APH1B: variants seen among roughly 807,000 people sequenced by gnomAD.
APH1B encodes the protein gamma-secretase subunit APH-1B.
In APH1B, 27 loss-of-function variants were observed where a neutral mutation model predicts 28.2. The observed-to-expected ratio is 0.96, with a 90% CI of 0.70 to 1.32. The LOEUF is 1.32. Among genes scored for constraint, APH1B ranks in the 40% most tolerant of loss-of-function variants. The probability of loss-of-function intolerance (pLI) is 0.00; values close to 1 mark genes in which losing one functional copy is unlikely to be tolerated. For missense variants in APH1B, 305 were observed against 313.6 expected (o/e 0.97, Z 0.21); for synonymous variants, 141 against 124.6 (o/e 1.13, Z -0.88).
intron 5 of APH1B, 60 bp downstream of exon 5, chr15:63,302,532 G>A: frequency 1.3e-6 from 2 of 1,556,512 alleles, no homozygotes; most frequent in Non-Finnish European, 1.7e-6. Context: ...TATCTAAAAT[G>A]GTAAATTCTA....
intron 4 of APH1B, among the ~76,000 whole-genome samples, chr15:63,297,185 C>T (rs578257811): frequency 2.6e-5 from 4 of 152,242 alleles, no homozygotes; most frequent in South Asian, 2.1e-4. Context: ...TATAAACTAA[C>T]GTTGATATTC....
intron 3 of APH1B, chr15:63,287,138 G>C (rs1478811141): frequency 6.4e-6 from 2 of 310,732 alleles, no homozygotes; most frequent in Non-Finnish European, 1.2e-5. Flanking sequence ...GAGTTTTGGT[G>C]TTGTATCCTC....
At chr15:63,297,820 G>A (rs2038583620) in intron 4 of APH1B, among the ~76,000 whole-genome samples, 1 of 152,182 alleles carries the variant, frequency 6.6e-6, no homozygotes, top group East Asian at 1.9e-4. Context: ...GCAGAGGGAG[G>A]AAAGAGTAAA....
chr15:63,299,426 A>G (rs1203863410), intron 4 of APH1B, among the ~76,000 whole-genome samples: 3 of 151,812 alleles, frequency 2.0e-5, no homozygotes. Flanking sequence ...TGTTTTTGAG[A>G]TGGAGTCTTG....
intron 4 of APH1B, among the ~76,000 whole-genome samples, chr15:63,298,209 T>C (rs1270732042): frequency 6.6e-6 from 1 of 152,188 alleles, no homozygotes; most frequent in African/African-American, 2.4e-5. Context: ...TTTTTGTTTT[T>C]ATTTTTTATT....
At chr15:63,279,943 G>A (rs975433617) in intron 2 of APH1B, among the ~76,000 whole-genome samples, 4 of 152,082 alleles carry the variant, frequency 2.6e-5, no homozygotes, top group East Asian at 1.9e-4. Flanking sequence ...GATTACAGGT[G>A]TGCACCACCA....
intron 2 of APH1B, among the ~76,000 whole-genome samples, chr15:63,283,838 C>A (rs1326871056): frequency 6.6e-6 from 1 of 152,184 alleles, no homozygotes; most frequent in African/African-American, 2.4e-5. Flanking sequence ...GATAGCTGGA[C>A]TTTTCACTCA....
In APH1B at chr15:63,279,272, A is replaced by T. The variant is rs200710437; in HGVS notation, c.225A>T (p.Gly75=). Reference sequence around the variant, plus strand: ...CACAGAAATATCTGCTGATCTTTGGAGCGTTTGTCTCTGTCTATATCCAAG... The same window carrying T: ...CACAGAAATATCTGCTGATCTTTGGTGCGTTTGTCTCTGTCTATATCCAAG... The part of the protein sequence containing the change: ...GPTQKYLLIF[G]AFVSVYIQEM... Residue 75 remains glycine (G), a synonymous_variant, in exon 2 of 6, where the codon GGA becomes GGT. Coordinates refer to ENST00000261879, the MANE Select transcript of APH1B (RefSeq NM_031301.4). The T allele has an allele frequency of 1.2e-5, 20 of 1,612,274 alleles. No homozygotes were observed. The highest frequency in any genetic ancestry group is 1.7e-6 in the Non-Finnish European group (2 of 1,178,778).
chr15:63,307,222 GGAA>G lies in APH1B; in HGVS notation c.*1448_*1450del, dbSNP rs771433839. 5 of 152,166 alleles carry G rather than the reference GGAA, an allele frequency of 3.3e-5. No homozygotes were observed. Among genetic ancestry groups the G allele is most frequent in the Non-Finnish European group, 7.3e-5 (5 of 68,036 alleles). 9.4% of individuals were successfully genotyped at this position (152,166 alleles called of 1,614,324 possible). Reference sequence around the variant, plus strand: ...TGGGCGGGTTTGACAGATTGTGGTGGGAAGAAGAATGATCATGTTTAAAGCTAA... The same window carrying G: ...TGGGCGGGTTTGACAGATTGTGGTGGGAAGAATGATCATGTTTAAAGCTAA... On this transcript the variant is annotated 3_prime_UTR_variant, in exon 6 of 6. Transcript: ENST00000261879.
At chr15:63,298,402 G>A (rs935882330) in intron 4 of APH1B, among the ~76,000 whole-genome samples, 4 of 152,056 alleles carry the variant, frequency 2.6e-5, no homozygotes, top group Admixed American at 6.6e-5. Flanking sequence ...GTAGAGACAG[G>A]GTTTTCTTAT....
At chr15:63,297,490 A>T (rs72748920) in intron 4 of APH1B, among the ~76,000 whole-genome samples, 3,238 of 152,296 alleles carry the variant, frequency 0.021, 51 homozygotes, top group South Asian at 0.05. Flanking sequence ...TGATCGCACC[A>T]TTGCACTCCA....
At position 63,305,927 on chromosome 15, in the gene APH1B, AC is replaced by A; in HGVS notation, c.*147del. The A allele has an allele frequency of 9.2e-7, 1 of 1,086,674 alleles. No individual in the cohort carries two copies. Among genetic ancestry groups the A allele is most frequent in the East Asian group, 2.7e-5 (1 of 37,620 alleles). 67.3% of individuals were successfully genotyped at this position (1,086,674 alleles called of 1,614,324 possible). ...TGCGTTCCATTCACTTGGCTTTCAC[AC>A]AACTGCTCTCCGAAAGGGGTGCTCA... is the stretch of plus-strand genomic sequence containing the variant. On this transcript the variant is annotated 3_prime_UTR_variant, in exon 6 of 6. Transcript: ENST00000261879.
chr15:63,290,611 T>C (rs2038495123), intron 4 of APH1B, among the ~76,000 whole-genome samples: 1 of 152,186 alleles, frequency 6.6e-6, no homozygotes, highest in Non-Finnish European at 1.5e-5. Context: ...GGAAGAGCCA[T>C]GGGGCACAAA....
In APH1B at chr15:63,308,003, C is replaced by T. The variant is rs914585856; in HGVS notation, c.*2222C>T. On this transcript the variant is annotated 3_prime_UTR_variant, in exon 6 of 6. Coordinates refer to ENST00000261879, the MANE Select transcript of APH1B (RefSeq NM_031301.4). ...CCAGAGTCAGCTTAGACACTGTTGTCGCAAATAGCCATGCTTTGCCTTATG... is the reference window on the plus strand; with the variant it reads ...CCAGAGTCAGCTTAGACACTGTTGTTGCAAATAGCCATGCTTTGCCTTATG... The T allele has an allele frequency of 4.6e-5, 7 of 152,036 alleles. No individual in the cohort carries two copies. The highest frequency in any genetic ancestry group is 2.0e-4 in the Admixed American group (3 of 15,268). The allele number at this position is 152,036 out of a possible 1,614,324, so 9.4% of individuals were successfully genotyped here. A position where few individuals can be genotyped will look rare whatever the true frequency, so the allele number is the denominator to read the frequency against.
chr15:63,294,199 T>A (rs963081462), intron 4 of APH1B, among the ~76,000 whole-genome samples: 1 of 152,202 alleles, frequency 6.6e-6, no homozygotes, highest in Non-Finnish European at 1.5e-5. Flanking sequence ...GTCCCATTTT[T>A]AAAACATCAT....
intron 4 of APH1B, among the ~76,000 whole-genome samples, chr15:63,300,432 C>T (rs1176584590): frequency 1.3e-5 from 2 of 152,154 alleles, no homozygotes; most frequent in Non-Finnish European, 2.9e-5. Context: ...AGAAAATGAA[C>T]ACCTTATGAT....
At chr15:63,303,457 T>C (rs975021484) in intron 5 of APH1B, among the ~76,000 whole-genome samples, 2 of 152,208 alleles carry the variant, frequency 1.3e-5, no homozygotes, top group East Asian at 1.9e-4. Flanking sequence ...CTACCATGTG[T>C]CTATACCATA....
chr15:63,296,404 G>A (rs1021378549), intron 4 of APH1B, among the ~76,000 whole-genome samples: 1 of 152,234 alleles, frequency 6.6e-6, no homozygotes, highest in African/African-American at 2.4e-5. Context: ...GCAGCCTTTG[G>A]CTTGCTCTGA....
intron 5 of APH1B, 51 bp downstream of exon 5, chr15:63,302,523 A>G (rs780187195): frequency 5.1e-6 from 8 of 1,573,414 alleles, no homozygotes; most frequent in Middle Eastern, 1.9e-4. Context: ...AAGTCTATGT[A>G]TCTAAAATGG....
Sources: gnomAD v4.1 joint callset for allele counts (sites outside exome capture counted in the v4.1 genomes callset) on GRCh38, gnomAD v4.1.1 for gene constraint, MANE v1.5 for transcripts, NCBI Gene and HGNC (gene_info 2026-07-23, HGNC 2026-07-21) for gene names.